The following RIMS1 variants were observed in gnomAD, a reference collection of about 807,000 sequenced individuals.
RIMS1 encodes the protein regulating synaptic membrane exocytosis protein 1.
In RIMS1, 83 loss-of-function variants were observed where a neutral mutation model predicts 214.1. The observed-to-expected ratio is 0.39, with a 90% CI of 0.32 to 0.47. The LOEUF (loss-of-function observed/expected upper bound fraction) is 0.47. Among genes scored for constraint, RIMS1 ranks in the 20% least tolerant of loss-of-function variants. RIMS1 has a pLI of 0.99. For synonymous variants in RIMS1, 793 were observed against 786.8 expected, an observed-to-expected ratio of 1.01 and a Z score of -0.13; for missense variants, 2,050 against 2,161.8, an observed-to-expected ratio of 0.95 and a Z score of 1.03.
intron 9 of RIMS1, among the ~76,000 whole-genome samples, chr6:72,241,939 T>A (rs1162644244): frequency 6.6e-6 from 1 of 152,202 alleles, no homozygotes; most frequent in Admixed American, 6.5e-5. Context: ...CGCCTACATT[T>A]ATTATATGGA....
chr6:72,396,183 A>G (rs376932646), intron 31 of RIMS1, among the ~76,000 whole-genome samples: 1 of 152,158 alleles, frequency 6.6e-6, no homozygotes, highest in African/African-American at 2.4e-5. Flanking sequence ...ATCCAAAAAA[A>G]TGTTTGATAA....
chr6:72,335,971 G>A (rs754842095), intron 29 of RIMS1, among the ~76,000 whole-genome samples: 4 of 151,790 alleles, frequency 2.6e-5, no homozygotes, highest in Non-Finnish European at 4.4e-5. Context: ...CTGGTTATTA[G>A]CCCTTTGTCA....
intron 6 of RIMS1, among the ~76,000 whole-genome samples, chr6:72,208,917 A>C (rs9351900): frequency 0.12 from 18,929 of 152,034 alleles, 1,537 homozygotes; most frequent in East Asian, 0.32. Flanking sequence ...ATATCCAGTA[A>C]TTGCCTCAAT....
chr6:71,951,446 A>G (rs1789481332), intron 1 of RIMS1, among the ~76,000 whole-genome samples: 1 of 147,034 alleles, frequency 6.8e-6, no homozygotes, highest in Non-Finnish European at 1.5e-5. Context: ...TTTCAAGTAG[A>G]GTAAAAGACC....
chr6:72,278,323 C>T (rs1160277569), intron 23 of RIMS1, among the ~76,000 whole-genome samples: 1 of 152,000 alleles, frequency 6.6e-6, no homozygotes, highest in East Asian at 1.9e-4. Flanking sequence ...ATGTTTAATT[C>T]CTGAGTTGTT....
At chr6:71,994,668 G>C (rs1158814925) in intron 2 of RIMS1, among the ~76,000 whole-genome samples, 1 of 152,128 alleles carries the variant, frequency 6.6e-6, no homozygotes, top group African/African-American at 2.4e-5. Flanking sequence ...CTACCCAAAA[G>C]AATGTGTCAA....
At chr6:72,019,700 C>A (rs1362061595) in intron 2 of RIMS1, among the ~76,000 whole-genome samples, 3 of 151,826 alleles carry the variant, frequency 2.0e-5, no homozygotes, top group African/African-American at 7.3e-5. Context: ...ATATATTTTC[C>A]CTTTCCTGTT....
At chr6:72,263,804 AACACACACACAC>A (rs67722831) in intron 19 of RIMS1, 5 of 125,018 alleles carry the variant, frequency 4.0e-5, no homozygotes, top group Non-Finnish European at 5.4e-5. Context: ...TCTCTACTAA[AACACACACACAC>A]ACACACACAC....
chr6:72,096,237 T>G (rs2031614603), intron 2 of RIMS1, among the ~76,000 whole-genome samples: 1 of 152,202 alleles, frequency 6.6e-6, no homozygotes, highest in Non-Finnish European at 1.5e-5. Context: ...TATGTAAAAA[T>G]CTGCATATCT....
intron 29 of RIMS1, among the ~76,000 whole-genome samples, chr6:72,354,329 A>T (rs561291270): frequency 3.1e-4 from 47 of 152,328 alleles, no homozygotes; most frequent in African/African-American, 1.1e-3. Context: ...GGAAAATTCT[A>T]GCTCTTAAGC....
chr6:72,117,624 C>A (rs2037347308), intron 4 of RIMS1, among the ~76,000 whole-genome samples: 1 of 151,554 alleles, frequency 6.6e-6, no homozygotes, highest in Non-Finnish European at 1.5e-5. Flanking sequence ...TAAAAGGAAC[C>A]CTCAAAACTA....
chr6:72,082,344 A>C (rs1833599968), intron 2 of RIMS1, among the ~76,000 whole-genome samples: 1 of 152,144 alleles, frequency 6.6e-6, no homozygotes. Context: ...CTGAGTACTT[A>C]CTATTGTCTC....
chr6:72,293,533 A>C (rs539432180), intron 26 of RIMS1, among the ~76,000 whole-genome samples: 35 of 152,010 alleles, frequency 2.3e-4, no homozygotes, highest in African/African-American at 8.2e-4. Flanking sequence ...TTTAGTTACA[A>C]ACTCGGTCTT....
intron 4 of RIMS1, among the ~76,000 whole-genome samples, chr6:72,170,795 G>A (rs977731006): frequency 6.6e-6 from 1 of 152,062 alleles, no homozygotes; most frequent in Non-Finnish European, 1.5e-5. Context: ...AATATGTACT[G>A]AGTGTATCAC....
At chr6:72,334,914 A>C (rs1231650228) in intron 29 of RIMS1, among the ~76,000 whole-genome samples, 1 of 151,884 alleles carries the variant, frequency 6.6e-6, no homozygotes, top group Non-Finnish European at 1.5e-5. Flanking sequence ...CAATCAGATG[A>C]GCTGTTCTAT....
chr6:72,022,920 G>A (rs543848771), intron 2 of RIMS1, among the ~76,000 whole-genome samples: 3 of 152,124 alleles, frequency 2.0e-5, no homozygotes, highest in Non-Finnish European at 4.4e-5. Context: ...TATGAATATT[G>A]AAAGATGATT....
intron 2 of RIMS1, among the ~76,000 whole-genome samples, chr6:72,094,423 G>C (rs992338855): frequency 3.3e-5 from 5 of 152,000 alleles, no homozygotes; most frequent in Admixed American, 6.6e-5. Flanking sequence ...CCTGAAACAG[G>C]TTCCCTTTTG....
intron 29 of RIMS1, among the ~76,000 whole-genome samples, chr6:72,371,400 T>G (rs2098215746): frequency 1.3e-5 from 2 of 152,234 alleles, no homozygotes; most frequent in African/African-American, 4.8e-5. Flanking sequence ...CTAAGATGTG[T>G]AAGCAAACTG....
At chr6:72,262,697 A>G in intron 19 of RIMS1, 1 of 800,986 alleles carries the variant, frequency 1.2e-6, no homozygotes, top group African/African-American at 1.9e-5. Flanking sequence ...ACATATAAAT[A>G]ACCACAACTT....
Sources: gnomAD v4.1 joint callset for allele counts (sites outside exome capture counted in the v4.1 genomes callset) on GRCh38, gnomAD v4.1.1 for gene constraint, MANE v1.5 for transcripts, NCBI Gene and HGNC (gene_info 2026-07-23, HGNC 2026-07-21) for gene names.